ELL2: variants seen among roughly 807,000 people sequenced by gnomAD.
The protein encoded by ELL2 is elongation factor for RNA polymerase II 2.
A neutral mutation model predicts 72.8 loss-of-function variants in ELL2; 21 were observed. The ratio of observed to expected loss-of-function variants is 0.29; its 90% CI spans 0.20 to 0.42. The LOEUF (loss-of-function observed/expected upper bound fraction) is 0.42. Ranked by LOEUF, ELL2 falls within the 10% of genes least tolerant of loss-of-function variation. ELL2 has a pLI of 1.00. For missense variants in ELL2, 568 were observed against 772.8 expected (o/e 0.73, Z 3.14); for synonymous variants, 266 against 283.2 (o/e 0.94, Z 0.61).
At chr5:95,912,542 GAAAGTTAATTAAGT>G (rs1294392571) in intron 4 of ELL2, among the ~76,000 whole-genome samples, 4 of 152,188 alleles carry the variant, frequency 2.6e-5, no homozygotes, top group Admixed American at 2.6e-4. Flanking sequence ...TACTAACCCA[GAAAGTTAATTAAGT>G]TACTTCTGGG....
At chr5:95,918,050 T>C (rs74943630) in intron 3 of ELL2, among the ~76,000 whole-genome samples, 10,438 of 152,196 alleles carry the variant, frequency 0.069, 813 homozygotes, top group East Asian at 0.42. Flanking sequence ...ACCAGCTACA[T>C]AACTCTGGAT....
Position 95,918,900 on chromosome 5 carries a change from TAAG to T in ELL2, c.317+521_317+523del, listed in dbSNP as rs531389219. ...TCCTTTTTTTTTTTTTCTTTTTTTTTAAGAAGAAGGAGAGACTGCTTTACTGGG... is the reference window on the plus strand; with the variant it reads ...TCCTTTTTTTTTTTTTCTTTTTTTTTAAGAAGGAGAGACTGCTTTACTGGG... On this transcript the variant is annotated intron_variant, in intron 3 of 11. Transcript: ENST00000237853. Among the ~76,000 whole-genome samples, 387 of 151,948 alleles carry T rather than the reference TAAG, an allele frequency of 2.5e-3. 2 individuals carry two copies. Among genetic ancestry groups the T allele is most frequent in the Non-Finnish European group, 4.2e-3 (283 of 67,948 alleles).
At chr5:95,959,558 C>G (rs961844889) in intron 1 of ELL2, among the ~76,000 whole-genome samples, 1 of 152,234 alleles carries the variant, frequency 6.6e-6, no homozygotes, top group Admixed American at 6.5e-5. Context: ...TGGCTTCCCC[C>G]ATATGGGCCT....
chr5:95,950,067 G>A (rs3777168), intron 1 of ELL2, among the ~76,000 whole-genome samples: 42,414 of 152,064 alleles, frequency 0.28, 6,791 homozygotes, highest in African/African-American at 0.45. Flanking sequence ...ATAGTAATAT[G>A]AAATTTGAAA....
intron 4 of ELL2, among the ~76,000 whole-genome samples, chr5:95,908,186 T>C (rs766322827): frequency 9.2e-5 from 14 of 152,154 alleles, no homozygotes; most frequent in Non-Finnish European, 1.9e-4. Flanking sequence ...GGTTTCTGTA[T>C]TTTTCTTACA....
At chr5:95,959,916 T>C (rs1022483255) in intron 1 of ELL2, among the ~76,000 whole-genome samples, 1 of 152,168 alleles carries the variant, frequency 6.6e-6, no homozygotes, top group Non-Finnish European at 1.5e-5. Context: ...TACCCTATCA[T>C]GTGAGTTCAT....
In ELL2 at chr5:95,887,780, A is replaced by G. The variant is rs1748512618; in HGVS notation, c.*1091T>C. 6.6e-6 allele frequency: 1 copy of G among 152,568 alleles called. No individual in the cohort carries two copies. Among genetic ancestry groups the G allele is most frequent in the African/African-American group, 2.4e-5 (1 of 41,444 alleles). 9.5% of individuals were successfully genotyped at this position (152,568 alleles called of 1,614,324 possible). ...TATGTAGGTAATAGCTTCTTTGCAT[A>G]TCTCTCTTCAAAAAATACTTTATAG... On this transcript the variant is annotated 3_prime_UTR_variant, in exon 12 of 12. Coordinates refer to ENST00000237853, the MANE Select transcript of ELL2 (RefSeq NM_012081.6).
At chr5:95,921,248 G>T (rs908431960) in intron 2 of ELL2, among the ~76,000 whole-genome samples, 2 of 152,148 alleles carry the variant, frequency 1.3e-5, no homozygotes, top group African/African-American at 4.8e-5. Context: ...AAAGAAAAAT[G>T]TTTTTTGAAA....
chr5:95,895,427 C>CG (rs1265031381), intron 9 of ELL2, among the ~76,000 whole-genome samples: 1 of 152,218 alleles, frequency 6.6e-6, no homozygotes, highest in South Asian at 2.1e-4. Flanking sequence ...CAGCTCAGAG[C>CG]GGGGGGAGGC....
chr5:95,928,344 A>C (rs979610704), intron 2 of ELL2, among the ~76,000 whole-genome samples: 1 of 152,184 alleles, frequency 6.6e-6, no homozygotes, highest in Non-Finnish European at 1.5e-5. Flanking sequence ...GCAAAAACTA[A>C]AACCTCCCAT....
At chr5:95,929,261 ATT>A (rs397884318) in intron 2 of ELL2, among the ~76,000 whole-genome samples, 10 of 141,056 alleles carry the variant, frequency 7.1e-5, no homozygotes, top group Non-Finnish European at 9.4e-5. Flanking sequence ...GGTCTTCCTC[ATT>A]TTTTTTTTTT....
intron 4 of ELL2, among the ~76,000 whole-genome samples, chr5:95,909,214 T>C (rs1203540373): frequency 2.0e-5 from 3 of 152,224 alleles, no homozygotes; most frequent in African/African-American, 7.2e-5. Context: ...AAGACAGAAC[T>C]AGAGTTTTAC....
Position 95,908,807 on chromosome 5 carries a change from C to G in ELL2, c.482-2025G>C, listed in dbSNP as rs186938322. 4.6e-5 allele frequency among the ~76,000 whole-genome samples: 7 copies of G among 152,276 alleles called. 1 individual carries two copies. Among genetic ancestry groups the G allele is most frequent in the Admixed American group, 4.6e-4 (7 of 15,292 alleles). ...GCTATAAATTCCACACTCCCTCCCCCTTAACAAGTCTTGCAAAAAAGAAAT... is the reference window on the plus strand; with the variant it reads ...GCTATAAATTCCACACTCCCTCCCCGTTAACAAGTCTTGCAAAAAAGAAAT... On this transcript the variant is annotated intron_variant, in intron 4 of 11. Transcript: ENST00000237853.
At chr5:95,933,887 AAAG>A (rs1315145335) in intron 2 of ELL2, among the ~76,000 whole-genome samples, 1 of 152,120 alleles carries the variant, frequency 6.6e-6, no homozygotes, top group Non-Finnish European at 1.5e-5. Flanking sequence ...CAAGTTTTCT[AAAG>A]AAGGAACAAA....
At chr5:95,957,690 C>G (rs1751670671) in intron 1 of ELL2, among the ~76,000 whole-genome samples, 1 of 152,108 alleles carries the variant, frequency 6.6e-6, no homozygotes, top group Non-Finnish European at 1.5e-5. Flanking sequence ...CTCCCAAGAT[C>G]ACTTCTCTAA....
At chr5:95,926,894 C>A (rs1750299378) in intron 2 of ELL2, among the ~76,000 whole-genome samples, 1 of 152,094 alleles carries the variant, frequency 6.6e-6, no homozygotes, top group South Asian at 2.1e-4. Context: ...ATAAAATACA[C>A]CCAATACACT....
intron 2 of ELL2, among the ~76,000 whole-genome samples, chr5:95,921,395 ACTC>A (rs1750078075): frequency 6.6e-6 from 1 of 152,034 alleles, no homozygotes; most frequent in Non-Finnish European, 1.5e-5. Context: ...ATTAGAGACA[ACTC>A]CTGGCACAAG....
chr5:95,946,613 C>T (rs1019001392), intron 1 of ELL2, among the ~76,000 whole-genome samples: 6 of 152,186 alleles, frequency 3.9e-5, no homozygotes, highest in East Asian at 1.9e-4. Context: ...AAAACACATC[C>T]GCTATCAACC....
chr5:95,891,711 C>A (rs1392501293), intron 9 of ELL2, among the ~76,000 whole-genome samples: 1 of 152,194 alleles, frequency 6.6e-6, no homozygotes, highest in Non-Finnish European at 1.5e-5. Context: ...TGCTGAAAGT[C>A]AAAGCTCTCT....
Sources: allele counts gnomAD v4.1 joint callset (sites outside exome capture counted in the v4.1 genomes callset), GRCh38; gene constraint gnomAD v4.1.1; transcripts MANE v1.5; gene names NCBI Gene and HGNC (gene_info 2026-07-23, HGNC 2026-07-21).